The following RARB variants were observed in gnomAD, a reference collection of about 807,000 sequenced individuals.
RARB encodes HBV-activated protein.
In RARB, 17 loss-of-function variants were observed where a neutral mutation model predicts 51.9. The observed-to-expected ratio is 0.33, with a 90% CI of 0.22 to 0.49. RARB has a LOEUF of 0.49. RARB is among the 20% of genes least tolerant of loss of function. The pLI is 0.99. For synonymous variants in RARB, 215 were observed against 195.4 expected, an observed-to-expected ratio of 1.10 and a Z score of -0.84; for missense variants, 369 against 550.8, an observed-to-expected ratio of 0.67 and a Z score of 3.30.
intron 3 of RARB, among the ~76,000 whole-genome samples, chr3:25,068,990 G>T (rs775995531): frequency 6.6e-6 from 1 of 151,110 alleles, no homozygotes; most frequent in Non-Finnish European, 1.5e-5. Flanking sequence ...CCAGTTCAGG[G>T]CAGGGAGACT....
At chr3:25,508,696 C>T (rs1406748111) in intron 3 of RARB, among the ~76,000 whole-genome samples, 1 of 152,090 alleles carries the variant, frequency 6.6e-6, no homozygotes, top group African/African-American at 2.4e-5. Flanking sequence ...TTCTGTTCAC[C>T]AGAAACTACC....
intron 5 of RARB, among the ~76,000 whole-genome samples, chr3:25,590,701 G>A (rs1387874754): frequency 6.6e-6 from 1 of 152,106 alleles, no homozygotes; most frequent in African/African-American, 2.4e-5. Context: ...TGTACTTTTT[G>A]GTAGGGACAG....
intron 5 of RARB, among the ~76,000 whole-genome samples, chr3:25,208,663 C>T (rs1575221387): frequency 6.6e-6 from 1 of 152,120 alleles, no homozygotes; most frequent in Non-Finnish European, 1.5e-5. Context: ...TGGCCCAGCC[C>T]TCTGACCTGA....
chr3:24,925,795 A>C (rs1575075091), intron 2 of RARB, among the ~76,000 whole-genome samples: 1 of 152,230 alleles, frequency 6.6e-6, no homozygotes. Flanking sequence ...TCTTGCCTAC[A>C]AAATACCTTT....
chr3:25,154,359 T>G (rs1484721324), intron 4 of RARB, among the ~76,000 whole-genome samples: 1 of 152,232 alleles, frequency 6.6e-6, no homozygotes, highest in Non-Finnish European at 1.5e-5. Context: ...GGAGTCAGCC[T>G]TCATTGTTGA....
At chr3:24,913,686 G>A (rs1346812830) in intron 2 of RARB, among the ~76,000 whole-genome samples, 1 of 152,104 alleles carries the variant, frequency 6.6e-6, no homozygotes, top group Non-Finnish European at 1.5e-5. Context: ...ACACTCATCT[G>A]AGTCTGTTCA....
chr3:25,389,504 TG>T (rs1437308538), intron 5 of RARB, among the ~76,000 whole-genome samples: 4 of 152,192 alleles, frequency 2.6e-5, no homozygotes, highest in African/African-American at 9.7e-5. Context: ...AACTCAGCGG[TG>T]TTGCTGTGAC....
intron 7 of RARB, 132 bp from the exon 8 acceptor site, chr3:25,596,287 AT>A: frequency 1.5e-6 from 1 of 674,460 alleles, no homozygotes; most frequent in South Asian, 2.5e-5. Context: ...GCCACCTGAT[AT>A]CTACATTTCA....
intron 5 of RARB, among the ~76,000 whole-genome samples, chr3:25,364,094 T>C (rs1157156386): frequency 6.6e-6 from 1 of 152,200 alleles, no homozygotes; most frequent in Non-Finnish European, 1.5e-5. Context: ...TAGCACTTCT[T>C]ATCTTTTAGC....
chr3:25,160,865 C>T (rs1260000675), intron 4 of RARB, among the ~76,000 whole-genome samples: 1 of 152,116 alleles, frequency 6.6e-6, no homozygotes, highest in Non-Finnish European at 1.5e-5. Context: ...GCTCCTTCCT[C>T]ACCTTCAAAG....
At chr3:25,404,111 A>C (rs1030199917) in intron 5 of RARB, among the ~76,000 whole-genome samples, 1 of 152,096 alleles carries the variant, frequency 6.6e-6, no homozygotes, top group Admixed American at 6.6e-5. Flanking sequence ...CTCGATTCTG[A>C]TTTGAGGAAA....
chr3:25,311,282 A>G (rs1704281727), intron 5 of RARB, among the ~76,000 whole-genome samples: 1 of 152,208 alleles, frequency 6.6e-6, no homozygotes, highest in South Asian at 2.1e-4. Flanking sequence ...GCTGGCAAGT[A>G]CAAAGAATGG....
At chr3:25,016,727 TC>T (rs1226980820) in intron 2 of RARB, among the ~76,000 whole-genome samples, 1 of 151,906 alleles carries the variant, frequency 6.6e-6, no homozygotes, top group African/African-American at 2.4e-5. Flanking sequence ...ATTTCTTTTT[TC>T]CCCCCAGGAT....
At chr3:25,450,113 A>C (rs1266427620) in intron 1 of RARB, among the ~76,000 whole-genome samples, 1 of 152,166 alleles carries the variant, frequency 6.6e-6, no homozygotes, top group African/African-American at 2.4e-5. Context: ...AAAAATGCTT[A>C]GAGTAGAGTG....
At chr3:25,071,414 A>G (rs1474747062) in intron 3 of RARB, among the ~76,000 whole-genome samples, 2 of 152,178 alleles carry the variant, frequency 1.3e-5, no homozygotes, top group African/African-American at 4.8e-5. Flanking sequence ...AGGAGAAGTA[A>G]TATATCTTTC....
At chr3:25,182,823 G>C (rs1700888111) in intron 5 of RARB, among the ~76,000 whole-genome samples, 1 of 152,192 alleles carries the variant, frequency 6.6e-6, no homozygotes, top group Non-Finnish European at 1.5e-5. Flanking sequence ...ATTAAGTTAA[G>C]ATGAGGTTAT....
intron 5 of RARB, among the ~76,000 whole-genome samples, chr3:25,300,406 A>T (rs1704013241): frequency 6.6e-6 from 1 of 152,220 alleles, no homozygotes; most frequent in Non-Finnish European, 1.5e-5. Flanking sequence ...GAGACAATCT[A>T]GTCTCTGAAT....
chr3:25,434,676 G>T (rs1186453043), intron 1 of RARB, among the ~76,000 whole-genome samples: 1 of 151,566 alleles, frequency 6.6e-6, no homozygotes, highest in Non-Finnish European at 1.5e-5. Context: ...TGAGTAGCTG[G>T]GACTACAGGC....
At chr3:25,117,729 G>A (rs1699712017) in intron 3 of RARB, among the ~76,000 whole-genome samples, 1 of 152,144 alleles carries the variant, frequency 6.6e-6, no homozygotes, top group Non-Finnish European at 1.5e-5. Context: ...AGAAGGAAGA[G>A]CAGAGGATGG....
Sources: gnomAD v4.1 joint callset for allele counts (sites outside exome capture counted in the v4.1 genomes callset) on GRCh38, gnomAD v4.1.1 for gene constraint, MANE v1.5 for transcripts, NCBI Gene and HGNC (gene_info 2026-07-23, HGNC 2026-07-21) for gene names.